Variants in NUDT3 observed in about 807,000 individuals in gnomAD.
The protein encoded by NUDT3 is nudix hydrolase 3.
Under a neutral mutation model 23.6 loss-of-function variants are expected in NUDT3, and 9 were observed. The ratio of observed to expected loss-of-function variants is 0.38; its 90% CI spans 0.23 to 0.66. The LOEUF (loss-of-function observed/expected upper bound fraction) is 0.66, where lower values mean the gene tolerates loss of function less well. Among genes scored for constraint, NUDT3 ranks in the 30% least tolerant of loss-of-function variants. The pLI is 0.52. For missense variants in NUDT3, 172 were observed against 218.5 expected, an observed-to-expected ratio of 0.79 and a Z score of 1.34; for synonymous variants, 86 against 82.6, an observed-to-expected ratio of 1.04 and a Z score of -0.22.
Position 34,288,921 on chromosome 6 carries a change from C to T in NUDT3, c.351G>A (p.Arg117=), listed in dbSNP as rs1362178844. The part of the protein sequence containing the change: ...WEDSVNIGRK[R]EWFKIEDAIK... ...TGGCGTCTTCTATTTTAAACCATTC[C>T]CTCTTCCTTCCTGTGGAGGCAGAGA... Residue 117 remains arginine, a synonymous_variant, in exon 5 of 5, where the codon AGG becomes AGA. Transcript: ENST00000607016. 6.2e-7 allele frequency: 1 copy of T among 1,607,126 alleles called. No homozygotes were observed. Among genetic ancestry groups the T allele is most frequent in the African/African-American group, 1.3e-5 (1 of 74,398 alleles).
intron 2 of NUDT3, among the ~76,000 whole-genome samples, chr6:34,302,996 C>A (rs1420321160): frequency 6.6e-6 from 1 of 152,128 alleles, no homozygotes; most frequent in African/African-American, 2.4e-5. Flanking sequence ...ATACCCTTCT[C>A]TGCTCTTCTT....
rs1328349242 is a variant in NUDT3 at position 34,280,918 on chromosome 6, GGAAAAGGGACAA to G, written c.*7823_*7834del. 6.6e-6 allele frequency: 1 copy of G among 152,118 alleles called. No homozygotes were observed. The highest frequency in any genetic ancestry group is 1.5e-5 in the Non-Finnish European group (1 of 68,026). The allele number at this position is 152,118 out of a possible 1,614,324, so 9.4% of individuals were successfully genotyped here. ...CTCAGCTAAAACATATGAGCATGAG[GGAAAAGGGACAA>G]GAAATACTTTTGTCCTCTAGAAAAA... On this transcript the variant is annotated 3_prime_UTR_variant, in exon 5 of 5. Transcript: ENST00000607016.
At chr6:34,363,868 GT>G (rs1764686115) in intron 1 of NUDT3, among the ~76,000 whole-genome samples, 1 of 151,884 alleles carries the variant, frequency 6.6e-6, no homozygotes, top group Non-Finnish European at 1.5e-5. Context: ...CTCCTCCCAG[GT>G]TTAAGCGATT....
chr6:34,383,893 G>C (rs1765064081), intron 1 of NUDT3, among the ~76,000 whole-genome samples: 1 of 152,154 alleles, frequency 6.6e-6, no homozygotes, highest in South Asian at 2.1e-4. Context: ...TTCCAGGAAA[G>C]ATTTTGAGAA....
chr6:34,292,239 C>T lies in NUDT3; in HGVS notation c.340+1212G>A, dbSNP rs1041780742. 7.2e-5 allele frequency among the ~76,000 whole-genome samples: 11 copies of T among 152,116 alleles called. 1 individual carries two copies. The highest frequency in any genetic ancestry group is 8.8e-5 in the Non-Finnish European group (6 of 68,022). On this transcript the variant is annotated intron_variant, in intron 4 of 4. Transcript: ENST00000607016. ...TTGAGCACCCTGCATTATTACTAGA[C>T]ACAAAGCCATCAAGAGCCAAAGGGC...
chr6:34,392,365 T>A lies in NUDT3; in HGVS notation c.-3A>T. 6.3e-7 allele frequency: 1 copy of A among 1,598,692 alleles called. No individual in the cohort carries two copies. Among genetic ancestry groups the A allele is most frequent in the Non-Finnish European group, 8.5e-7 (1 of 1,174,714 alleles). ...TGGTTCGACTTGAGCTTCATCATCC[T>A]CCGGGCCCGGGTGGGGGTGCGGTGC... On this transcript the variant is annotated 5_prime_UTR_variant, in exon 1 of 5. Coordinates refer to ENST00000607016, the MANE Select transcript of NUDT3 (RefSeq NM_006703.4).
chr6:34,327,444 C>T (rs904242207), intron 2 of NUDT3, among the ~76,000 whole-genome samples: 7 of 150,886 alleles, frequency 4.6e-5, no homozygotes, highest in South Asian at 2.1e-4. Context: ...ACAGGAAAAT[C>T]GCTTGAACCT....
chr6:34,306,212 T>C (rs957650190), intron 2 of NUDT3, among the ~76,000 whole-genome samples: 1 of 152,220 alleles, frequency 6.6e-6, no homozygotes, highest in African/African-American at 2.4e-5. Flanking sequence ...TTACTTTATA[T>C]TGATGGAGGT....
At chr6:34,354,313 G>A (rs897123269) in intron 1 of NUDT3, among the ~76,000 whole-genome samples, 1 of 151,894 alleles carries the variant, frequency 6.6e-6, no homozygotes, top group Admixed American at 6.6e-5. Flanking sequence ...GCCTGGCCAG[G>A]AGTTTGAGGC....
Position 34,355,295 on chromosome 6 carries a change from C to CT in NUDT3, c.100-13324dup, listed in dbSNP as rs374395163. On this transcript the variant is annotated intron_variant, in intron 1 of 4. Transcript: ENST00000607016. ...CTATTGATACGATGATATGGTGGTT[C>CT]TTTTTTTTAGTCTGTCAGTGTGGTA... 8.5e-3 allele frequency among the ~76,000 whole-genome samples: 1,289 copies of CT among 151,760 alleles called. 16 individuals carry two copies. The highest frequency in any genetic ancestry group is 0.029 in the African/African-American group (1,215 of 41,392).
intron 3 of NUDT3, 32 bp from the exon 4 acceptor site, chr6:34,293,567 T>G: frequency 6.2e-7 from 1 of 1,612,586 alleles, no homozygotes; most frequent in East Asian, 2.2e-5. Flanking sequence ...ATAGAGAGAG[T>G]TTTTCCTTAG....
At chr6:34,320,232 C>T (rs1763920025) in intron 2 of NUDT3, among the ~76,000 whole-genome samples, 1 of 148,574 alleles carries the variant, frequency 6.7e-6, no homozygotes, top group Admixed American at 6.7e-5. Context: ...CTTTTCTGCT[C>T]TTTTTTTTTT....
At chr6:34,290,600 G>A (rs1266143350) in intron 4 of NUDT3, among the ~76,000 whole-genome samples, 1 of 151,110 alleles carries the variant, frequency 6.6e-6, no homozygotes. Flanking sequence ...GCTAAGGCAG[G>A]AGGACTGCTT....
chr6:34,321,185 C>CCTA (rs1763936614), intron 2 of NUDT3, among the ~76,000 whole-genome samples: 1 of 152,046 alleles, frequency 6.6e-6, no homozygotes, highest in Admixed American at 6.6e-5. Context: ...CGCATGTGAA[C>CCTA]CTAGCACTCT....
intron 2 of NUDT3, among the ~76,000 whole-genome samples, chr6:34,314,143 CTGGGGGCGG>C (rs1208551953): frequency 2.6e-5 from 4 of 151,472 alleles, no homozygotes; most frequent in Non-Finnish European, 4.4e-5. Context: ...TAAACCTTGG[CTGGGGGCGG>C]TGGCTCATGC....
At chr6:34,304,370 G>C (rs1763644977) in intron 2 of NUDT3, among the ~76,000 whole-genome samples, 1 of 151,532 alleles carries the variant, frequency 6.6e-6, no homozygotes, top group African/African-American at 2.4e-5. Context: ...TTCAAGACCA[G>C]CCTGGGCAAC....
intron 2 of NUDT3, among the ~76,000 whole-genome samples, chr6:34,321,046 C>T (rs2113717228): frequency 1.3e-5 from 2 of 152,208 alleles, no homozygotes; most frequent in South Asian, 4.1e-4. Context: ...CAGGAGGGAA[C>T]CGCATGCATT....
chr6:34,330,533 G>A (rs1481043276), intron 2 of NUDT3, among the ~76,000 whole-genome samples: 3 of 152,108 alleles, frequency 2.0e-5, no homozygotes, highest in Non-Finnish European at 4.4e-5. Context: ...ATGGTGGCTC[G>A]TGCCTATAAT....
chr6:34,311,313 A>C (rs573924642), intron 2 of NUDT3, among the ~76,000 whole-genome samples: 8 of 152,210 alleles, frequency 5.3e-5, no homozygotes, highest in Non-Finnish European at 1.0e-4. Flanking sequence ...ATTTCAAATT[A>C]AAAACATATC....
Sources: gnomAD v4.1 joint callset for allele counts (sites outside exome capture counted in the v4.1 genomes callset) on GRCh38, gnomAD v4.1.1 for gene constraint, MANE v1.5 for transcripts, NCBI Gene and HGNC (gene_info 2026-07-23, HGNC 2026-07-21) for gene names.